The following TBCK variants were observed in gnomAD, a reference collection of about 807,000 sequenced individuals.
TBCK encodes the protein TBC domain-containing protein kinase-like protein.
A neutral mutation model predicts 113.4 loss-of-function variants in TBCK; 99 were observed. The observed-to-expected ratio is 0.87, with a 90% CI of 0.74 to 1.03. The LOEUF (loss-of-function observed/expected upper bound fraction) is 1.03, where lower values mean the gene tolerates loss of function less well. Ranked by LOEUF, TBCK falls within the 50% of genes least tolerant of loss-of-function variation. The pLI, the probability that TBCK is intolerant of heterozygous loss-of-function variation, is 0.00. For missense variants in TBCK, 1,045 were observed against 1,061.3 expected, an observed-to-expected ratio of 0.98 and a Z score of 0.21; for synonymous variants, 369 against 370.8, an observed-to-expected ratio of 1.00 and a Z score of 0.05.
intron 3 of TBCK, among the ~76,000 whole-genome samples, chr4:106,293,810 T>G (rs925688381): frequency 6.6e-6 from 1 of 152,188 alleles, no homozygotes; most frequent in Non-Finnish European, 1.5e-5. Flanking sequence ...CCAGTCAGAG[T>G]AACAATATTT....
At chr4:106,143,661 T>TCC (rs1747401186) in intron 23 of TBCK, among the ~76,000 whole-genome samples, 1 of 152,138 alleles carries the variant, frequency 6.6e-6, no homozygotes, top group Admixed American at 6.5e-5. Flanking sequence ...ACCCCTGTAA[T>TCC]CCCAGCACTT....
At chr4:106,199,023 C>A (rs1754577730) in intron 20 of TBCK, among the ~76,000 whole-genome samples, 1 of 152,076 alleles carries the variant, frequency 6.6e-6, no homozygotes, top group African/African-American at 2.4e-5. Flanking sequence ...CTAATACATG[C>A]CAGATCTGTG....
At chr4:106,261,407 C>A (rs2150098075) in intron 4 of TBCK, among the ~76,000 whole-genome samples, 1 of 152,066 alleles carries the variant, frequency 6.6e-6, no homozygotes, top group South Asian at 2.1e-4. Context: ...CTCAGCCTCC[C>A]AAGTATTGAT....
At position 106,310,821 on chromosome 4, in the gene TBCK, G is replaced by A. The variant is rs148519123; in HGVS notation, c.-29-1832C>T. Among the ~76,000 whole-genome samples the A allele has an allele frequency of 4.5e-3, 692 of 152,198 alleles. 3 individuals are homozygous for A. The highest frequency in any genetic ancestry group is 0.02 in the South Asian group (96 of 4,824). On this transcript the variant is annotated intron_variant, in intron 1 of 25. Transcript: ENST00000394708. ...AATGAAATAAACCTCCAAAAATCTG[G>A]CTTTGGAAGCAACTGAAATAATTTA...
intron 19 of TBCK, among the ~76,000 whole-genome samples, chr4:106,216,693 A>T (rs1681174534): frequency 1.3e-5 from 2 of 152,194 alleles, no homozygotes; most frequent in African/African-American, 4.8e-5. Context: ...TGAATAGACC[A>T]ATAACAGGAT....
rs557986888 is a variant in TBCK, at chr4:106,110,184, G to A, written c.2411+6019C>T. Among the ~76,000 whole-genome samples the A allele has an allele frequency of 5.9e-5, 9 of 152,238 alleles. No homozygotes were observed. In the South Asian group the frequency reaches 6.2e-4, roughly 11 times the overall value. On this transcript the variant is annotated intron_variant, in intron 24 of 25. Transcript: ENST00000394708. Reference sequence around the variant, plus strand: ...AGCAGCACCAGCTTGTCAGGGCTGCGGCTGCTACAACTCTTTCTGTCAGCG... The same window carrying A: ...AGCAGCACCAGCTTGTCAGGGCTGCAGCTGCTACAACTCTTTCTGTCAGCG...
At chr4:106,146,801 C>T (rs1747859262) in intron 23 of TBCK, among the ~76,000 whole-genome samples, 1 of 152,138 alleles carries the variant, frequency 6.6e-6, no homozygotes, top group Non-Finnish European at 1.5e-5. Context: ...ATGGACTCTT[C>T]CTTTCACAAA....
chr4:106,269,563 T>C (rs1763288861), intron 3 of TBCK, among the ~76,000 whole-genome samples: 1 of 152,162 alleles, frequency 6.6e-6, no homozygotes. Context: ...GACACAACTA[T>C]CCATGCTAAA....
chr4:106,144,581 C>A (rs1426502563), intron 23 of TBCK, among the ~76,000 whole-genome samples: 1 of 152,132 alleles, frequency 6.6e-6, no homozygotes, highest in Non-Finnish European at 1.5e-5. Context: ...ATGAATAAAA[C>A]TTAAGTCAAA....
At chr4:106,277,650 C>T (rs549414118) in intron 3 of TBCK, among the ~76,000 whole-genome samples, 126 of 152,110 alleles carry the variant, frequency 8.3e-4, no homozygotes, top group Admixed American at 3.5e-3. Context: ...AACTAACCCA[C>T]GATTAAAAAA....
At chr4:106,203,915 CTCA>C (rs757872570) in intron 20 of TBCK, among the ~76,000 whole-genome samples, 2 of 152,108 alleles carry the variant, frequency 1.3e-5, no homozygotes, top group African/African-American at 2.4e-5. Flanking sequence ...GGCAGAAAAT[CTCA>C]TCAATTCAGA....
intron 20 of TBCK, among the ~76,000 whole-genome samples, chr4:106,211,958 T>TA (rs1471644609): frequency 5.3e-5 from 8 of 152,106 alleles, no homozygotes. Context: ...AGTATCTTCC[T>TA]AAAAAATTAT....
At chr4:106,075,233 C>T (rs1738036056) in intron 25 of TBCK, among the ~76,000 whole-genome samples, 1 of 152,044 alleles carries the variant, frequency 6.6e-6, no homozygotes, top group African/African-American at 2.4e-5. Context: ...CTCTTCTGCC[C>T]CATGCTGAGA....
chr4:106,065,882 C>G (rs1467532922), intron 25 of TBCK, among the ~76,000 whole-genome samples: 3 of 151,974 alleles, frequency 2.0e-5, no homozygotes, highest in Non-Finnish European at 4.4e-5. Context: ...TGCAGTCCTT[C>G]TTTACTCTGT....
intron 25 of TBCK, among the ~76,000 whole-genome samples, chr4:106,081,613 T>C (rs1738881370): frequency 6.6e-6 from 1 of 152,140 alleles, no homozygotes; most frequent in Non-Finnish European, 1.5e-5. Flanking sequence ...GAAACAACGA[T>C]GGCACACACT....
intron 3 of TBCK, among the ~76,000 whole-genome samples, chr4:106,268,541 T>G (rs909459385): frequency 1.3e-5 from 2 of 152,154 alleles, no homozygotes; most frequent in Non-Finnish European, 2.9e-5. Context: ...CAAGATAGAA[T>G]GTATAATCTT....
intron 19 of TBCK, among the ~76,000 whole-genome samples, chr4:106,218,852 C>T (rs1454831295): frequency 4.2e-5 from 6 of 141,384 alleles, no homozygotes; most frequent in African/African-American, 1.3e-4. Flanking sequence ...CCATTTGACC[C>T]AGCCATCCCA....
At chr4:106,091,727 T>C (rs1452948829) in intron 25 of TBCK, among the ~76,000 whole-genome samples, 1 of 152,134 alleles carries the variant, frequency 6.6e-6, no homozygotes. Flanking sequence ...ACCCAAAGAA[T>C]GAGCAGTAGC....
At chr4:106,068,718 C>T (rs533493743) in intron 25 of TBCK, among the ~76,000 whole-genome samples, 12 of 152,230 alleles carry the variant, frequency 7.9e-5, no homozygotes, top group African/African-American at 2.6e-4. Flanking sequence ...CTTGAGGAAT[C>T]GCCACACTGT....
Sources: allele counts gnomAD v4.1 joint callset (sites outside exome capture counted in the v4.1 genomes callset), GRCh38; gene constraint gnomAD v4.1.1; transcripts MANE v1.5; gene names NCBI Gene and HGNC (gene_info 2026-07-23, HGNC 2026-07-21).